The following ADGRG7 variants were observed in gnomAD, a reference collection of about 807,000 sequenced individuals.
ADGRG7 encodes the protein adhesion G protein-coupled receptor G7.
Under a neutral mutation model 88.6 loss-of-function variants are expected in ADGRG7, and 82 were observed. The ratio of observed to expected loss-of-function variants is 0.93; its 90% CI spans 0.77 to 1.11. The LOEUF (loss-of-function observed/expected upper bound fraction) is 1.11. ADGRG7 is among the 50% of genes most tolerant of loss of function. The pLI, the probability that ADGRG7 is intolerant of heterozygous loss-of-function variation, is 0.00. For missense variants in ADGRG7, 945 were observed against 953.4 expected, an observed-to-expected ratio of 0.99 and a Z score of 0.12; for synonymous variants, 381 against 345.2, an observed-to-expected ratio of 1.10 and a Z score of -1.15.
intron 11 of ADGRG7, among the ~76,000 whole-genome samples, chr3:100,650,851 G>A (rs139108988): frequency 1.3e-5 from 2 of 152,242 alleles, no homozygotes; most frequent in East Asian, 3.9e-4. Context: ...TTAAGTGGTT[G>A]AAAAATGGTG....
intron 10 of ADGRG7, among the ~76,000 whole-genome samples, chr3:100,646,944 G>A (rs941268433): frequency 1.3e-5 from 2 of 152,190 alleles, no homozygotes; most frequent in Non-Finnish European, 2.9e-5. Context: ...CAGATCACGA[G>A]GTCAGGAGTT....
intron 11 of ADGRG7, among the ~76,000 whole-genome samples, chr3:100,653,575 T>C (rs934344249): frequency 6.6e-6 from 1 of 152,230 alleles, no homozygotes; most frequent in Admixed American, 6.5e-5. Flanking sequence ...TCATGTTATA[T>C]TAAAAAAACT....
chr3:100,637,531 G>T lies in ADGRG7; in HGVS notation c.698+129G>T, dbSNP rs1444825565. 8 of 664,204 alleles carry T rather than the reference G, an allele frequency of 1.2e-5. No individual in the cohort carries two copies. The African/African-American group carries it at 1.5e-4, about 12-fold the overall frequency. 41.1% of individuals were successfully genotyped at this position (664,204 alleles called of 1,614,324 possible). A position where few individuals can be genotyped will look rare whatever the true frequency, so the allele number is the denominator to read the frequency against. ...AACTGACTGATTCCTCTGGAATGTA[G>T]ATAAGAGCTGTGACTTTCCACTTGA... On this transcript the variant is annotated intron_variant, in intron 6 of 15. Transcript: ENST00000273352.
At chr3:100,685,473 C>A (rs184789875) in intron 15 of ADGRG7, among the ~76,000 whole-genome samples, 285 of 152,114 alleles carry the variant, frequency 1.9e-3, no homozygotes, top group African/African-American at 6.6e-3. Context: ...GTGCTGCACC[C>A]ATTAAGTCGT....
At chr3:100,616,333 A>G (rs1412121216) in intron 1 of ADGRG7, among the ~76,000 whole-genome samples, 1 of 152,200 alleles carries the variant, frequency 6.6e-6, no homozygotes, top group Non-Finnish European at 1.5e-5. Flanking sequence ...TAACAAAACC[A>G]TCTGAAAGAG....
intron 1 of ADGRG7, among the ~76,000 whole-genome samples, chr3:100,619,188 A>C (rs578091283): frequency 6.6e-6 from 1 of 152,182 alleles, no homozygotes; most frequent in Non-Finnish European, 1.5e-5. Context: ...GTAAAAGAAC[A>C]GAAATCATAA....
intron 14 of ADGRG7, among the ~76,000 whole-genome samples, chr3:100,660,809 G>A (rs1427300609): frequency 2.0e-5 from 3 of 151,966 alleles, no homozygotes; most frequent in South Asian, 2.1e-4. Flanking sequence ...AAAATTAGCC[G>A]GGTGTGGTGG....
chr3:100,624,597 T>G (rs1390494080), intron 1 of ADGRG7, among the ~76,000 whole-genome samples: 1 of 152,224 alleles, frequency 6.6e-6, no homozygotes, highest in Non-Finnish European at 1.5e-5. Context: ...GTTTTCATCA[T>G]GAAGTCTTTG....
chr3:100,634,926 C>T (rs1160586139), intron 4 of ADGRG7, among the ~76,000 whole-genome samples: 1 of 152,142 alleles, frequency 6.6e-6, no homozygotes, highest in Admixed American at 6.5e-5. Context: ...TTGTTTCTGA[C>T]ACTTACCCAA....
chr3:100,627,668 A>G (rs1453424467), intron 1 of ADGRG7, among the ~76,000 whole-genome samples: 2 of 152,168 alleles, frequency 1.3e-5, no homozygotes, highest in Admixed American at 1.3e-4. Context: ...TACGAGTAAA[A>G]CTATCTGGGC....
At chr3:100,693,531 A>G (rs1267000648) in intron 15 of ADGRG7, among the ~76,000 whole-genome samples, 2 of 152,216 alleles carry the variant, frequency 1.3e-5, no homozygotes, top group African/African-American at 4.8e-5. Context: ...TCAAACTATA[A>G]GGGTCTTTCC....
At position 100,694,846 on chromosome 3, in the gene ADGRG7, T is replaced by C; in HGVS notation, c.2239T>C (p.Leu747=). The C allele has an allele frequency of 1.2e-6, 2 of 1,614,200 alleles. No homozygotes were observed. Among genetic ancestry groups the C allele is most frequent in the Non-Finnish European group, 1.7e-6 (2 of 1,180,032 alleles). ...ATCGTCTATTGGGAGAAGGAAGTCA[T>C]TGCCTTCAGTGACGCGGCCGAGGCT... ...LLSSIGRRKS[L]PSVTRPRLRV... The change falls in exon 16 of 16, where the codon TTG becomes CTG. Residue 747 remains leucine (L), a synonymous_variant. Coordinates refer to ENST00000273352, the MANE Select transcript of ADGRG7 (RefSeq NM_032787.3).
In ADGRG7 at chr3:100,610,985, C is replaced by T. The variant is rs116664962; in HGVS notation, c.115+1014C>T. Among the ~76,000 whole-genome samples the T allele has an allele frequency of 7.9e-3, 1,201 of 152,176 alleles. 18 individuals carry two copies. Among genetic ancestry groups the T allele is most frequent in the African/African-American group, 0.027 (1,135 of 41,516 alleles). On this transcript the variant is annotated intron_variant, in intron 1 of 15. Coordinates refer to ENST00000273352, the MANE Select transcript of ADGRG7 (RefSeq NM_032787.3). ...AGTGGTAGCTGGGGATGGATTTGTC[C>T]TCCCCCTACCCCACCGCCCTAACCA...
chr3:100,650,496 C>A (rs143270945), intron 11 of ADGRG7, among the ~76,000 whole-genome samples: 1 of 152,148 alleles, frequency 6.6e-6, no homozygotes, highest in Non-Finnish European at 1.5e-5. Flanking sequence ...TGAAATTTTT[C>A]AAGCATCCAG....
chr3:100,684,010 T>A (rs1194295262), intron 15 of ADGRG7, among the ~76,000 whole-genome samples: 1 of 152,172 alleles, frequency 6.6e-6, no homozygotes, highest in African/African-American at 2.4e-5. Context: ...GTATTTAATA[T>A]ATCTGTGGAG....
Position 100,695,017 on chromosome 3 carries a change from T to G in ADGRG7, c.*16T>G. Reference sequence around the variant, plus strand: ...AAGCATCTAGACAGTAAAACTTACCTGTTGTGGTCTTTTTAATCACCTCGT... The same window carrying G: ...AAGCATCTAGACAGTAAAACTTACCGGTTGTGGTCTTTTTAATCACCTCGT... On this transcript the variant is annotated 3_prime_UTR_variant, in exon 16 of 16. Transcript: ENST00000273352. 1 of 1,602,400 alleles carries G rather than the reference T, an allele frequency of 6.2e-7. No individual in the cohort carries two copies. The highest frequency in any genetic ancestry group is 8.5e-7 in the Non-Finnish European group (1 of 1,173,350).
intron 1 of ADGRG7, among the ~76,000 whole-genome samples, chr3:100,623,811 T>C (rs1219043546): frequency 6.6e-6 from 1 of 152,240 alleles, no homozygotes; most frequent in South Asian, 2.1e-4. Context: ...TTTGGTTTTC[T>C]GTTCCTGTGT....
chr3:100,633,403 C>T (rs780367973), intron 4 of ADGRG7, 26 bp downstream of exon 4: 2 of 1,301,278 alleles, frequency 1.5e-6, no homozygotes, highest in Non-Finnish European at 2.1e-6. Context: ...CACTGATGGG[C>T]AACTGGAAGA....
intron 15 of ADGRG7, among the ~76,000 whole-genome samples, chr3:100,681,998 G>T (rs2094974061): frequency 6.6e-6 from 1 of 152,190 alleles, no homozygotes. Flanking sequence ...TTTCAGTTTT[G>T]GTATTTATTG....
Sources: allele counts gnomAD v4.1 joint callset (sites outside exome capture counted in the v4.1 genomes callset), GRCh38; gene constraint gnomAD v4.1.1; transcripts MANE v1.5; gene names NCBI Gene and HGNC (gene_info 2026-07-23, HGNC 2026-07-21).